Variants in TTC29 observed in about 807,000 individuals in gnomAD.
TTC29 encodes the protein tetratricopeptide repeat protein 29.
In TTC29, 49 loss-of-function variants were observed where a neutral mutation model predicts 58.1. The ratio of observed to expected loss-of-function variants is 0.84; its 90% CI spans 0.67 to 1.07. The LOEUF is 1.07. Among genes scored for constraint, TTC29 ranks in the 50% least tolerant of loss-of-function variants. The pLI, the probability that TTC29 is intolerant of heterozygous loss-of-function variation, is 0.00. For missense variants in TTC29, 582 were observed against 555.6 expected (o/e 1.05, Z -0.48); for synonymous variants, 209 against 196.8 (o/e 1.06, Z -0.52).
chr4:146,902,494 C>T (rs1468580991), intron 6 of TTC29, among the ~76,000 whole-genome samples: 1 of 152,180 alleles, frequency 6.6e-6, no homozygotes, highest in Non-Finnish European at 1.5e-5. Flanking sequence ...CCACACTTCC[C>T]ACTGGACGCA....
At chr4:146,878,446 A>C (rs929873025) in intron 6 of TTC29, among the ~76,000 whole-genome samples, 2 of 152,132 alleles carry the variant, frequency 1.3e-5, no homozygotes, top group Non-Finnish European at 2.9e-5. Flanking sequence ...CATTCCAAAA[A>C]CTGGTGAAGT....
intron 4 of TTC29, among the ~76,000 whole-genome samples, chr4:146,926,322 C>T (rs1734927326): frequency 6.6e-6 from 1 of 151,998 alleles, no homozygotes; most frequent in Non-Finnish European, 1.5e-5. Flanking sequence ...TCCTTTTTGC[C>T]CAGTCTACCC....
chr4:146,743,213 G>A (rs1308882660), intron 11 of TTC29, among the ~76,000 whole-genome samples: 1 of 152,138 alleles, frequency 6.6e-6, no homozygotes, highest in East Asian at 1.9e-4. Context: ...GGCCTTGGGA[G>A]GGTGGGTGAA....
chr4:146,718,917 C>T (rs1461887625), intron 11 of TTC29, among the ~76,000 whole-genome samples: 1 of 152,128 alleles, frequency 6.6e-6, no homozygotes, highest in East Asian at 1.9e-4. Context: ...TTTCATTCTG[C>T]ATACGGATAT....
rs572085680 is a variant in TTC29 at position 146,877,658 on chromosome 4, G to A, written c.587-2730C>T. Among the ~76,000 whole-genome samples, 334 of 151,622 alleles carry A rather than the reference G, an allele frequency of 2.2e-3. 3 individuals carry two copies. The highest frequency in any genetic ancestry group is 2.9e-3 in the Non-Finnish European group (199 of 67,946). ...AAGTATAGCACTGTAGCCCTGGAAA[G>A]ATGTATACAAGAGTTCCTTTTCTTT... On this transcript the variant is annotated intron_variant, in intron 6 of 12. Transcript: ENST00000325106.
At chr4:146,748,889 C>G (rs1364944268) in intron 11 of TTC29, among the ~76,000 whole-genome samples, 1 of 152,072 alleles carries the variant, frequency 6.6e-6, no homozygotes, top group Non-Finnish European at 1.5e-5. Context: ...AACTGACCCC[C>G]CCGCAAAATA....
At chr4:146,939,498 TTTCTGTTCTCCA>T (rs1262118106) in intron 3 of TTC29, among the ~76,000 whole-genome samples, 1 of 152,172 alleles carries the variant, frequency 6.6e-6, no homozygotes, top group African/African-American at 2.4e-5. Context: ...AAGCTTCTGC[TTTCTGTTCTCCA>T]TACACATTTA....
chr4:146,725,446 A>G (rs1561062878), intron 11 of TTC29, among the ~76,000 whole-genome samples: 1 of 152,138 alleles, frequency 6.6e-6, no homozygotes, highest in African/African-American at 2.4e-5. Context: ...TGAGGTGGGA[A>G]GATTGCTTGA....
chr4:146,901,849 C>T (rs556366201), intron 6 of TTC29, among the ~76,000 whole-genome samples: 1 of 152,104 alleles, frequency 6.6e-6, no homozygotes, highest in Non-Finnish European at 1.5e-5. Context: ...TTGTTAAGAC[C>T]TGGTTTTCCT....
intron 11 of TTC29, among the ~76,000 whole-genome samples, chr4:146,746,699 T>C (rs1471691007): frequency 6.6e-6 from 1 of 152,164 alleles, no homozygotes. Context: ...AGAAATGTTG[T>C]AGGGAACAGT....
At chr4:146,943,169 CT>C (rs61184684) in intron 2 of TTC29, among the ~76,000 whole-genome samples, 275 of 59,442 alleles carry the variant, frequency 4.6e-3, no homozygotes, top group Non-Finnish European at 6.2e-3. Flanking sequence ...ATCAACTGTG[CT>C]TTTTTTTTTT....
chr4:146,930,720 A>T (rs1461620098), intron 4 of TTC29, among the ~76,000 whole-genome samples: 1 of 152,184 alleles, frequency 6.6e-6, no homozygotes, highest in Admixed American at 6.5e-5. Flanking sequence ...TCAAAGACAA[A>T]ACTCAACATA....
At chr4:146,923,329 GC>G (rs540597661) in intron 4 of TTC29, among the ~76,000 whole-genome samples, 34 of 151,448 alleles carry the variant, frequency 2.2e-4, no homozygotes, top group East Asian at 7.7e-4. Flanking sequence ...AATCACACAC[GC>G]GCGTGCACAC....
intron 11 of TTC29, among the ~76,000 whole-genome samples, chr4:146,782,267 T>G (rs887646705): frequency 6.6e-5 from 10 of 151,710 alleles, no homozygotes; most frequent in African/African-American, 2.4e-4. Context: ...TCTGATAACT[T>G]TGTGCAGAAA....
intron 11 of TTC29, among the ~76,000 whole-genome samples, chr4:146,716,393 G>T (rs180918735): frequency 6.6e-4 from 101 of 152,150 alleles, no homozygotes; most frequent in African/African-American, 2.1e-3. Flanking sequence ...CTGTACTTTA[G>T]AACAGAGAAT....
intron 11 of TTC29, among the ~76,000 whole-genome samples, chr4:146,756,326 T>G (rs1214428396): frequency 1.3e-5 from 2 of 151,898 alleles, no homozygotes; most frequent in Non-Finnish European, 2.9e-5. Flanking sequence ...TGTTTTATTA[T>G]GCTCATGATT....
chr4:146,895,503 T>G lies in TTC29; in HGVS notation c.586+8041A>C, dbSNP rs114850264. Among the ~76,000 whole-genome samples the G allele has an allele frequency of 8.0e-3, 1,204 of 149,980 alleles. 17 individuals are homozygous for G. The highest frequency in any genetic ancestry group is 0.029 in the African/African-American group (1,135 of 39,286). On this transcript the variant is annotated intron_variant, in intron 6 of 12. Coordinates refer to ENST00000325106, the MANE Select transcript of TTC29 (RefSeq NM_031956.4). ...GAAGAGGCAGGACATATCCGACTGG[T>G]GAAATTCTTTACTTTCATCTTCTCT...
chr4:146,818,628 T>C (rs1751596345), intron 10 of TTC29, among the ~76,000 whole-genome samples: 1 of 152,190 alleles, frequency 6.6e-6, no homozygotes, highest in Admixed American at 6.5e-5. Flanking sequence ...TAAAGACACA[T>C]GCACTCGTAT....
At chr4:146,899,629 A>G (rs1242732052) in intron 6 of TTC29, among the ~76,000 whole-genome samples, 2 of 152,034 alleles carry the variant, frequency 1.3e-5, no homozygotes, top group African/African-American at 4.8e-5. Context: ...ACTTGAACCT[A>G]TCTACTGTTT....
Sources: gnomAD v4.1 joint callset for allele counts (sites outside exome capture counted in the v4.1 genomes callset) on GRCh38, gnomAD v4.1.1 for gene constraint, MANE v1.5 for transcripts, NCBI Gene and HGNC (gene_info 2026-07-23, HGNC 2026-07-21) for gene names.